The following MDGA2 variants were observed in gnomAD, a reference collection of about 807,000 sequenced individuals.
MDGA2 encodes the protein MAM domain-containing glycosylphosphatidylinositol anchor protein 2.
In MDGA2, 40 loss-of-function variants were observed where a neutral mutation model predicts 117.8. That is an observed-to-expected ratio of 0.34 (90% CI 0.26 to 0.44). The LOEUF is 0.44. MDGA2 is among the 20% of genes least tolerant of loss of function. The pLI is 1.00. For synonymous variants in MDGA2, 452 were observed against 439.0 expected (o/e 1.03, Z -0.37); for missense variants, 1,123 against 1,250.6 (o/e 0.90, Z 1.54).
chr14:47,143,516 TA>T (rs772178877), intron 4 of MDGA2, among the ~76,000 whole-genome samples: 2 of 152,192 alleles, frequency 1.3e-5, no homozygotes, highest in Non-Finnish European at 2.9e-5. Context: ...TCACTTTATG[TA>T]AAATTAATTC....
intron 9 of MDGA2, among the ~76,000 whole-genome samples, chr14:46,950,494 A>C (rs1885334161): frequency 6.6e-6 from 1 of 152,020 alleles, no homozygotes; most frequent in Admixed American, 6.6e-5. Flanking sequence ...TTTTCTGCTT[A>C]AAGTTATTTT....
intron 12 of MDGA2, among the ~76,000 whole-genome samples, chr14:46,877,154 C>T (rs115063689): frequency 0.013 from 1,972 of 151,376 alleles, 37 homozygotes; most frequent in African/African-American, 0.045. Context: ...ATCAAAGAAA[C>T]GTGTAACAAC....
chr14:47,008,654 T>G (rs1887794417), intron 8 of MDGA2, among the ~76,000 whole-genome samples: 2 of 151,922 alleles, frequency 1.3e-5, no homozygotes, highest in South Asian at 4.1e-4. Flanking sequence ...TGTGATTTAG[T>G]TAAGTCACTT....
chr14:47,652,138 C>T (rs757799321), intron 1 of MDGA2, among the ~76,000 whole-genome samples: 9 of 152,052 alleles, frequency 5.9e-5, no homozygotes, highest in Non-Finnish European at 1.3e-4. Flanking sequence ...CTTGATTACT[C>T]GTGATTGAGG....
intron 9 of MDGA2, among the ~76,000 whole-genome samples, chr14:46,949,033 T>A (rs535831460): frequency 1.3e-5 from 2 of 152,078 alleles, no homozygotes; most frequent in Non-Finnish European, 1.5e-5. Flanking sequence ...TTTTCTATGA[T>A]CATACTGCTT....
intron 1 of MDGA2, among the ~76,000 whole-genome samples, chr14:47,339,285 T>C (rs1566745361): frequency 1.3e-5 from 2 of 152,146 alleles, no homozygotes; most frequent in Admixed American, 1.3e-4. Flanking sequence ...TTACAAATAA[T>C]ACAAAAAGAG....
chr14:47,571,524 A>T (rs998854667), intron 1 of MDGA2, among the ~76,000 whole-genome samples: 2 of 152,204 alleles, frequency 1.3e-5, no homozygotes, highest in African/African-American at 4.8e-5. Context: ...TTAATGATAG[A>T]CTGGATTAAG....
intron 1 of MDGA2, among the ~76,000 whole-genome samples, chr14:47,510,485 C>T (rs1221152763): frequency 1.3e-5 from 2 of 152,038 alleles, no homozygotes; most frequent in African/African-American, 2.4e-5. Context: ...TGGCCTTTAG[C>T]CTTTGGATAT....
At position 46,892,206 on chromosome 14, in the gene MDGA2, T is replaced by G. The variant is rs572736064; in HGVS notation, c.2239-9985A>C. ...TGGAACAGAGAGCCTAGAAATAAAC[T>G]TAAGCATATGCAGTCAACAAATTTT... is the stretch of plus-strand genomic sequence containing the variant. On this transcript the variant is annotated intron_variant, in intron 10 of 16. Coordinates refer to ENST00000399232, the MANE Select transcript of MDGA2 (RefSeq NM_001113498.3). Among the ~76,000 whole-genome samples the G allele has an allele frequency of 3.3e-5, 5 of 151,708 alleles. No individual in the cohort carries two copies. The South Asian group carries it at 1.0e-3, about 32-fold the overall frequency.
At chr14:47,200,719 C>T (rs1343359041) in intron 3 of MDGA2, 7 of 915,630 alleles carry the variant, frequency 7.6e-6, no homozygotes, top group Middle Eastern at 3.2e-4. Context: ...TCTTCTCCTG[C>T]AGGGTGGCTG....
chr14:47,286,802 A>ATTAT, intron 2 of MDGA2, among the ~76,000 whole-genome samples: 1 of 21,504 alleles, frequency 4.7e-5, no homozygotes, highest in Non-Finnish European at 8.4e-5. Flanking sequence ...CAGGCATATC[A>ATTAT]TTATATATAT....
intron 5 of MDGA2, among the ~76,000 whole-genome samples, chr14:47,109,544 A>G (rs1256781290): frequency 1.3e-5 from 2 of 152,216 alleles, no homozygotes; most frequent in Non-Finnish European, 2.9e-5. Context: ...AGAGTATTTG[A>G]CAAAGAATAG....
chr14:47,249,118 A>G (rs949286194), intron 2 of MDGA2, among the ~76,000 whole-genome samples: 1 of 151,760 alleles, frequency 6.6e-6, no homozygotes, highest in Non-Finnish European at 1.5e-5. Flanking sequence ...CTGAAGTTCA[A>G]GTGATTCTCC....
chr14:47,398,506 T>C (rs1892064812), intron 1 of MDGA2, among the ~76,000 whole-genome samples: 1 of 152,182 alleles, frequency 6.6e-6, no homozygotes, highest in Non-Finnish European at 1.5e-5. Context: ...ACTATATATT[T>C]ATACATTTTC....
At chr14:46,863,353 T>C (rs187470756) in intron 14 of MDGA2, among the ~76,000 whole-genome samples, 19 of 152,310 alleles carry the variant, frequency 1.2e-4, no homozygotes, top group Admixed American at 4.6e-4. Flanking sequence ...AAAAAGATGA[T>C]GAACTATTTG....
chr14:47,158,086 G>A (rs977393891), intron 3 of MDGA2, among the ~76,000 whole-genome samples: 4 of 152,030 alleles, frequency 2.6e-5, no homozygotes, highest in East Asian at 1.9e-4. Context: ...ACAACAGACC[G>A]CATATAAAAT....
intron 1 of MDGA2, among the ~76,000 whole-genome samples, chr14:47,653,878 T>G (rs1052537068): frequency 1.3e-5 from 2 of 152,130 alleles, no homozygotes; most frequent in African/African-American, 4.8e-5. Context: ...GCTGTAGAAG[T>G]TGGGAAGAGC....
At chr14:47,259,648 A>G (rs1887731006) in intron 2 of MDGA2, among the ~76,000 whole-genome samples, 1 of 152,108 alleles carries the variant, frequency 6.6e-6, no homozygotes, top group East Asian at 1.9e-4. Context: ...ATGTAGCACT[A>G]TACTAGATGT....
chr14:47,198,466 G>A (rs868001188), intron 3 of MDGA2, among the ~76,000 whole-genome samples: 41 of 152,144 alleles, frequency 2.7e-4, no homozygotes, highest in African/African-American at 9.9e-4. Context: ...CAGCTACTCG[G>A]GAGGCTGAGG....
Sources: gnomAD v4.1 joint callset for allele counts (sites outside exome capture counted in the v4.1 genomes callset) on GRCh38, gnomAD v4.1.1 for gene constraint, MANE v1.5 for transcripts, NCBI Gene and HGNC (gene_info 2026-07-23, HGNC 2026-07-21) for gene names.